Variants in CNOT6 observed in about 807,000 individuals in gnomAD.
CNOT6 encodes the protein carbon catabolite repression 4 protein.
In CNOT6, 12 loss-of-function variants were observed where a neutral mutation model predicts 61.2. The observed-to-expected ratio is 0.20, with a 90% CI of 0.13 to 0.32. The LOEUF is 0.32. CNOT6 is among the 10% of genes least tolerant of loss of function. CNOT6 has a pLI of 1.00. For synonymous variants in CNOT6, 225 were observed against 240.6 expected, an observed-to-expected ratio of 0.94 and a Z score of 0.60; for missense variants, 405 against 663.9, an observed-to-expected ratio of 0.61 and a Z score of 4.28.
chr5:180,559,132 C>T (rs1357755052), intron 4 of CNOT6, among the ~76,000 whole-genome samples: 1 of 152,126 alleles, frequency 6.6e-6, no homozygotes, highest in Non-Finnish European at 1.5e-5. Context: ...CTATTAGCTC[C>T]TGTATATTAA....
intron 1 of CNOT6, among the ~76,000 whole-genome samples, chr5:180,508,808 A>T (rs1345142357): frequency 7.2e-6 from 1 of 139,088 alleles, no homozygotes; most frequent in Admixed American, 7.2e-5. Context: ...ATTTTAATTA[A>T]TTAATTAATT....
At chr5:180,526,048 C>A (rs812956) in intron 1 of CNOT6, among the ~76,000 whole-genome samples, 2 of 152,254 alleles carry the variant, frequency 1.3e-5, no homozygotes, top group Non-Finnish European at 2.9e-5. Flanking sequence ...TCCTCCCTCC[C>A]CAGCATCTCA....
intron 4 of CNOT6, among the ~76,000 whole-genome samples, chr5:180,564,218 T>C (rs1760334561): frequency 6.6e-6 from 1 of 152,238 alleles, no homozygotes; most frequent in African/African-American, 2.4e-5. Context: ...TTATTGAAAG[T>C]GTTGGCAAGG....
At position 180,575,386 on chromosome 5, in the gene CNOT6, GC is replaced by G. The variant is rs1465343226; in HGVS notation, c.*1187del. On this transcript the variant is annotated 3_prime_UTR_variant, in exon 12 of 12. Transcript: ENST00000261951. ...CTTCTCGGTGTCATTGCAGTGTGCTGCTTGTCACCCAGAATACTACTATCAT... is the reference window on the plus strand; with the variant it reads ...CTTCTCGGTGTCATTGCAGTGTGCTGTTGTCACCCAGAATACTACTATCAT... 6.6e-6 allele frequency: 1 copy of G among 151,952 alleles called. No homozygotes were observed. Among genetic ancestry groups the G allele is most frequent in the African/African-American group, 2.4e-5 (1 of 41,366 alleles). The allele number at this position is 151,952 out of a possible 1,614,324, so 9.4% of individuals were successfully genotyped here.
chr5:180,558,308 A>G (rs925087077), intron 4 of CNOT6, among the ~76,000 whole-genome samples: 25 of 152,050 alleles, frequency 1.6e-4, no homozygotes, highest in African/African-American at 6.0e-4. Flanking sequence ...GGACCTGGAT[A>G]ACTGGAGGCG....
chr5:180,549,047 A>G (rs1404049461), intron 2 of CNOT6, among the ~76,000 whole-genome samples: 1 of 150,046 alleles, frequency 6.7e-6, no homozygotes, highest in Non-Finnish European at 1.5e-5. Flanking sequence ...TAAAGGTCTG[A>G]CTTACTATCT....
chr5:180,524,243 T>C (rs1445022621), intron 1 of CNOT6, among the ~76,000 whole-genome samples: 1 of 152,208 alleles, frequency 6.6e-6, no homozygotes, highest in African/African-American at 2.4e-5. Context: ...TAGGTAGTAA[T>C]CTTCAGTGAC....
At position 180,564,513 on chromosome 5, in the gene CNOT6, T is replaced by C; in HGVS notation, c.410T>C (p.Leu137Ser). The C allele has an allele frequency of 6.2e-7, 1 of 1,613,478 alleles. No homozygotes were observed. Among genetic ancestry groups the C allele is most frequent in the Non-Finnish European group, 8.5e-7 (1 of 1,179,394 alleles). The change falls in exon 5 of 12, where the codon TTG (leucine) becomes TCG (serine). Residue 137 changes from leucine to serine, a missense_variant. Leu to Ser is a moderately radical substitution (Grantham distance 145). Coordinates refer to ENST00000261951, the MANE Select transcript of CNOT6 (RefSeq NM_001370472.1). ...GGAAATCCCCTTACCCAGGATATAT[T>C]GAACCTTTATCAGGAACCAGATGGA... ...LKGNPLTQDI[L>S]NLYQEPDGTR...
At chr5:180,559,239 CTG>C (rs1760050649) in intron 4 of CNOT6, among the ~76,000 whole-genome samples, 1 of 152,136 alleles carries the variant, frequency 6.6e-6, no homozygotes, top group African/African-American at 2.4e-5. Flanking sequence ...ATTGTAGACT[CTG>C]TTTTCCTTTT....
intron 8 of CNOT6, among the ~76,000 whole-genome samples, chr5:180,567,600 TAAAC>T (rs896226154): frequency 5.0e-4 from 76 of 152,338 alleles, no homozygotes; most frequent in African/African-American, 1.8e-3. Context: ...ACATAAAACT[TAAAC>T]AGAAGATGAC....
In CNOT6 at chr5:180,574,454, C is replaced by T; in HGVS notation, c.*254C>T. On this transcript the variant is annotated 3_prime_UTR_variant, in exon 12 of 12. Transcript: ENST00000261951. ...TCTTTCATTTGTCATAAGAGATTTT[C>T]CTATTTCTTCTACCCAATAGAATAT... 1.9e-6 allele frequency: 1 copy of T among 526,400 alleles called. No homozygotes were observed. The highest frequency in any genetic ancestry group is 2.3e-5 in the South Asian group (1 of 44,362). The allele number at this position is 526,400 out of a possible 1,614,324, so 32.6% of individuals were successfully genotyped here. A position where few individuals can be genotyped will look rare whatever the true frequency, so the allele number is the denominator to read the frequency against.
intron 2 of CNOT6, among the ~76,000 whole-genome samples, chr5:180,533,312 C>A (rs801972): frequency 0.25 from 31,871 of 127,226 alleles, 4,800 homozygotes; most frequent in East Asian, 0.55. Context: ...GGATGAAAAC[C>A]TATATATATA....
chr5:180,553,336 G>A (rs944981488), intron 3 of CNOT6, 50 bp from the exon 4 acceptor site: 1 of 1,298,044 alleles, frequency 7.7e-7, no homozygotes, highest in South Asian at 1.2e-5. Flanking sequence ...GATTTTAACT[G>A]TTAAAGGCTA....
At chr5:180,566,388 A>ATAG (rs1334899425) in intron 7 of CNOT6, among the ~76,000 whole-genome samples, 3 of 152,200 alleles carry the variant, frequency 2.0e-5, no homozygotes, top group African/African-American at 7.2e-5. Context: ...TGCAACTCTC[A>ATAG]TAGTCACTCA....
Position 180,567,989 on chromosome 5 carries a change from C to T in CNOT6, c.1013C>T (p.Ser338Leu), listed in dbSNP as rs1760548512. 7 of 1,606,702 alleles carry T rather than the reference C, an allele frequency of 4.4e-6. No homozygotes were observed. Among genetic ancestry groups the T allele is most frequent in the Non-Finnish European group, 6.0e-6 (7 of 1,174,460 alleles). ...VAVLLELRKESIEMPSGKPHL... is the reference protein window; with the variant it reads ...VAVLLELRKELIEMPSGKPHL... ...GTACTGCTAGAACTTCGGAAGGAATCGATTGAAATGCCGTGTGAGTGCCCT... is the reference window on the plus strand; with the variant it reads ...GTACTGCTAGAACTTCGGAAGGAATTGATTGAAATGCCGTGTGAGTGCCCT... The change falls in exon 9 of 12, where the codon TCG (serine) becomes TTG (leucine). Residue 338 changes from serine (S) to leucine (L), a missense_variant. Physicochemically the swap from Ser to Leu is moderately radical, Grantham distance 145. Around this residue, in one of 5 missense-constraint regions of CNOT6, gnomAD observed 116 missense variants for 184.6 expected, o/e 0.63. Coordinates refer to ENST00000261951, the MANE Select transcript of CNOT6 (RefSeq NM_001370472.1).
intron 1 of CNOT6, among the ~76,000 whole-genome samples, chr5:180,516,640 A>G (rs1328120741): frequency 6.6e-6 from 1 of 152,252 alleles, no homozygotes; most frequent in Non-Finnish European, 1.5e-5. Context: ...TCAGAGTAAC[A>G]TCACGCAAAT....
chr5:180,520,851 T>A (rs13174749), intron 1 of CNOT6, among the ~76,000 whole-genome samples: 149,082 of 149,636 alleles, frequency 1, 74,266 homozygotes, highest in Middle Eastern at 1. Context: ...TTTTATTATT[T>A]TTTTTTTTTT....
At chr5:180,505,843 C>T (rs2127696640) in intron 1 of CNOT6, among the ~76,000 whole-genome samples, 1 of 152,244 alleles carries the variant, frequency 6.6e-6, no homozygotes, top group African/African-American at 2.4e-5. Flanking sequence ...CCACTGAGCC[C>T]AGCCAAGTAC....
intron 4 of CNOT6, among the ~76,000 whole-genome samples, chr5:180,554,847 C>T (rs1302012653): frequency 1.3e-5 from 2 of 151,778 alleles, no homozygotes; most frequent in African/African-American, 4.8e-5. Flanking sequence ...ATGTTGAGAC[C>T]CTCTTTGTTC....
Sources: allele counts gnomAD v4.1 joint callset (sites outside exome capture counted in the v4.1 genomes callset), GRCh38; gene constraint gnomAD v4.1.1; regional missense constraint gnomAD v4.1.1; transcripts MANE v1.5; gene names NCBI Gene and HGNC (gene_info 2026-07-23, HGNC 2026-07-21).